Variants in PRPSAP2 observed in about 807,000 individuals in gnomAD.
PRPSAP2 encodes phosphoribosyl pyrophosphate synthetase associated protein 2, also known as phosphoribosyl pyrophosphate synthase-associated protein 2.
A neutral mutation model predicts 40.6 loss-of-function variants in PRPSAP2; 24 were observed. The observed-to-expected ratio is 0.59, with a 90% CI of 0.43 to 0.83. PRPSAP2 has a LOEUF of 0.83. Among genes scored for constraint, PRPSAP2 ranks in the 40% least tolerant of loss-of-function variants. PRPSAP2 has a pLI of 0.00. For missense variants in PRPSAP2, 292 were observed against 465.6 expected (o/e 0.63, Z 3.43); for synonymous variants, 149 against 164.7 (o/e 0.90, Z 0.73).
intron 9 of PRPSAP2, among the ~76,000 whole-genome samples, chr17:18,912,226 C>T (rs1170007160): frequency 2.6e-5 from 4 of 151,938 alleles, no homozygotes; most frequent in Non-Finnish European, 4.4e-5. Flanking sequence ...TGGTGTCTGT[C>T]GAGGGCCTGT....
At chr17:18,907,617 G>A (rs565854057) in intron 8 of PRPSAP2, among the ~76,000 whole-genome samples, 1 of 152,204 alleles carries the variant, frequency 6.6e-6, no homozygotes, top group Non-Finnish European at 1.5e-5. Flanking sequence ...TAAACACAAA[G>A]ATAGATCATA....
intron 8 of PRPSAP2, chr17:18,904,989 G>T (rs990054511): frequency 6.6e-6 from 1 of 152,144 alleles, no homozygotes; most frequent in Admixed American, 6.6e-5. Flanking sequence ...AACTCCCATT[G>T]CTGTGCAGGT....
chr17:18,877,332 G>A (rs1424359158), intron 5 of PRPSAP2, among the ~76,000 whole-genome samples: 2 of 152,146 alleles, frequency 1.3e-5, no homozygotes, highest in Non-Finnish European at 2.9e-5. Context: ...ATCAGTGGTG[G>A]AGGCAGGAGA....
intron 8 of PRPSAP2, among the ~76,000 whole-genome samples, chr17:18,894,304 C>T (rs1355301251): frequency 6.6e-6 from 1 of 151,822 alleles, no homozygotes; most frequent in African/African-American, 2.4e-5. Context: ...GGATTACAGG[C>T]ATGCGCCACC....
chr17:18,873,742 G>A (rs2038071730), intron 5 of PRPSAP2, among the ~76,000 whole-genome samples: 1 of 152,120 alleles, frequency 6.6e-6, no homozygotes, highest in Non-Finnish European at 1.5e-5. Context: ...AAACTGTACT[G>A]AAGGAATGTG....
chr17:18,877,395 C>T (rs757553569), intron 5 of PRPSAP2, among the ~76,000 whole-genome samples: 1 of 152,006 alleles, frequency 6.6e-6, no homozygotes, highest in African/African-American at 2.4e-5. Context: ...AATTTTAGGG[C>T]CACTGGCATG....
intron 6 of PRPSAP2, among the ~76,000 whole-genome samples, chr17:18,878,801 C>T (rs1414238957): frequency 6.6e-6 from 1 of 152,134 alleles, no homozygotes; most frequent in East Asian, 1.9e-4. Context: ...GCCTCAGACT[C>T]CCAAAGTGCT....
intron 1 of PRPSAP2, among the ~76,000 whole-genome samples, chr17:18,864,156 A>T (rs527707186): frequency 7.9e-5 from 12 of 151,818 alleles, no homozygotes; most frequent in African/African-American, 2.2e-4. Context: ...GCCTGGCCGT[A>T]TATAATTTTT....
chr17:18,927,452 A>T (rs138637612), intron 10 of PRPSAP2, among the ~76,000 whole-genome samples: 1 of 152,230 alleles, frequency 6.6e-6, no homozygotes, highest in African/African-American at 2.4e-5. Flanking sequence ...TTCCCCTGAG[A>T]TCCATCCAGG....
rs754940719 is a variant in PRPSAP2 at position 18,865,813 on chromosome 17, T to G, written c.-21T>G. Reference sequence around the variant, plus strand: ...TTATATCCTTCTAGGCTCTGAAAATTGGAAAACCAAGAAGGTTTTGATGTT... The same window carrying G: ...TTATATCCTTCTAGGCTCTGAAAATGGGAAAACCAAGAAGGTTTTGATGTT... On this transcript the variant is annotated 5_prime_UTR_variant, in exon 3 of 12. In the 5' UTR this introduces an upstream ATG that the reference lacks. Coordinates refer to ENST00000268835, the MANE Select transcript of PRPSAP2 (RefSeq NM_002767.4). 6.9e-7 allele frequency: 1 copy of G among 1,449,580 alleles called. No homozygotes were observed. Among genetic ancestry groups the G allele is most frequent in the South Asian group, 1.6e-5 (1 of 62,900 alleles). 89.8% of individuals were successfully genotyped at this position (1,449,580 alleles called of 1,614,324 possible). A position where few individuals can be genotyped will look rare whatever the true frequency, so the allele number is the denominator to read the frequency against.
chr17:18,895,775 G>A (rs1406298948), intron 8 of PRPSAP2, among the ~76,000 whole-genome samples: 4 of 151,966 alleles, frequency 2.6e-5, no homozygotes, highest in Non-Finnish European at 4.4e-5. Context: ...ACAGGTGTGT[G>A]CCACCAAACC....
At chr17:18,880,828 T>G (rs1050970211) in intron 6 of PRPSAP2, among the ~76,000 whole-genome samples, 3 of 152,118 alleles carry the variant, frequency 2.0e-5, no homozygotes, top group Non-Finnish European at 4.4e-5. Context: ...ATATTATGAC[T>G]ATTTTTTATT....
intron 5 of PRPSAP2, among the ~76,000 whole-genome samples, chr17:18,874,209 C>T (rs1486049295): frequency 2.0e-5 from 3 of 152,172 alleles, no homozygotes; most frequent in African/African-American, 7.2e-5. Context: ...CCTATCACAC[C>T]TGGCCTTAAA....
At chr17:18,871,874 G>A (rs2037908473) in intron 4 of PRPSAP2, among the ~76,000 whole-genome samples, 1 of 151,872 alleles carries the variant, frequency 6.6e-6, no homozygotes, top group Admixed American at 6.6e-5. Context: ...TGGTCAGGCT[G>A]GTCTCGAACT....
At chr17:18,885,508 G>A (rs1227752529) in intron 7 of PRPSAP2, among the ~76,000 whole-genome samples, 2 of 150,096 alleles carry the variant, frequency 1.3e-5, no homozygotes, top group Non-Finnish European at 2.9e-5. Flanking sequence ...GTCTCTCTCT[G>A]TCACTCAGGC....
intron 8 of PRPSAP2, among the ~76,000 whole-genome samples, chr17:18,896,974 T>A (rs1303232253): frequency 6.6e-6 from 1 of 152,114 alleles, no homozygotes; most frequent in East Asian, 1.9e-4. Flanking sequence ...AGTTTCTTTT[T>A]TTTGAGACAG....
At chr17:18,898,143 C>T (rs901459447) in intron 8 of PRPSAP2, among the ~76,000 whole-genome samples, 3 of 151,626 alleles carry the variant, frequency 2.0e-5, no homozygotes, top group Admixed American at 6.6e-5. Context: ...GGACTATAGG[C>T]GAGCGCCACC....
intron 7 of PRPSAP2, among the ~76,000 whole-genome samples, chr17:18,885,519 T>A (rs2039076037): frequency 6.6e-6 from 1 of 151,934 alleles, no homozygotes; most frequent in Admixed American, 6.6e-5. Flanking sequence ...TCACTCAGGC[T>A]GGAGTGCGAT....
At chr17:18,882,717 C>G in intron 7 of PRPSAP2, 34 bp downstream of exon 7, 2 of 1,323,218 alleles carry the variant, frequency 1.5e-6, no homozygotes, top group Non-Finnish European at 2.2e-6. Context: ...TTTTAACATT[C>G]TGATTAAGGT....
Sources: gnomAD v4.1 joint callset for allele counts (sites outside exome capture counted in the v4.1 genomes callset) on GRCh38, gnomAD v4.1.1 for gene constraint, MANE v1.5 for transcripts, NCBI Gene and HGNC (gene_info 2026-07-23, HGNC 2026-07-21) for gene names.